POLR1C: variants seen among roughly 807,000 people sequenced by gnomAD.
POLR1C encodes DNA-directed RNA polymerases I and III subunit RPAC1.
In POLR1C, 42 loss-of-function variants were observed where a neutral mutation model predicts 38.3. That is an observed-to-expected ratio of 1.10 (90% CI 0.86 to 1.42). The LOEUF (loss-of-function observed/expected upper bound fraction) is 1.42. Among genes scored for constraint, POLR1C ranks in the 40% most tolerant of loss-of-function variants. The pLI, the probability that POLR1C is intolerant of heterozygous loss-of-function variation, is 0.00. For missense variants in POLR1C, 507 were observed against 450.5 expected, an observed-to-expected ratio of 1.13 and a Z score of -1.14; for synonymous variants, 163 against 163.9, an observed-to-expected ratio of 0.99 and a Z score of 0.04.
chr6:43,525,941 T>C (rs1304673596), downstream of POLR1C: 1 of 1,613,024 alleles, frequency 6.2e-7, no homozygotes, highest in Non-Finnish European at 8.5e-7. Flanking sequence ...GAGAGTAGAA[T>C]GTTAAGCTCC....
At chr6:43,537,826 G>T (rs1794429730) in intron 9 of POLR1C, among the ~76,000 whole-genome samples, 4 of 152,084 alleles carry the variant, frequency 2.6e-5, no homozygotes, top group Non-Finnish European at 2.9e-5. Context: ...CAGCACTTTG[G>T]GAGGCTGAGG....
chr6:43,517,837 A>T (rs1272505519), intron 2 of POLR1C, among the ~76,000 whole-genome samples: 2 of 152,164 alleles, frequency 1.3e-5, no homozygotes, highest in African/African-American at 4.8e-5. Flanking sequence ...AGTCTTTTGT[A>T]TTGTTTCACT....
chr6:43,529,261 T>G (rs1229209339), exon 9 of POLR1C: 1 of 1,368,486 alleles, frequency 7.3e-7, no homozygotes, highest in Non-Finnish European at 9.7e-7. Flanking sequence ...AAGAAAGATT[T>G]GCTGGCTGCG....
chr6:43,551,901 A>C (rs1038826007), intron 10 of POLR1C, among the ~76,000 whole-genome samples: 7 of 152,108 alleles, frequency 4.6e-5, no homozygotes, highest in African/African-American at 1.4e-4. Flanking sequence ...TCCTGGGTTC[A>C]AGCATTCCTC....
At chr6:43,551,360 C>T (rs762466229) in intron 10 of POLR1C, 41 of 1,613,826 alleles carry the variant, frequency 2.5e-5, no homozygotes, top group Non-Finnish European at 3.1e-5. Flanking sequence ...AGTGCAGAGA[C>T]ATTAGTAAGG....
intron 9 of POLR1C, among the ~76,000 whole-genome samples, chr6:43,539,979 GCA>G (rs1342296918): frequency 6.6e-6 from 1 of 152,248 alleles, no homozygotes; most frequent in Non-Finnish European, 1.5e-5. Flanking sequence ...ACGGGGCTGG[GCA>G]CAGTGGCTCA....
intron 10 of POLR1C, chr6:43,560,977 T>C (rs1268370261): frequency 1.9e-6 from 3 of 1,613,948 alleles, no homozygotes; most frequent in Non-Finnish European, 2.5e-6. Flanking sequence ...TTTCCAAAGT[T>C]TGATGGTGTT....
At chr6:43,562,274 C>T (rs754664679) in exon 11 of POLR1C, 40 of 1,608,144 alleles carry the variant, frequency 2.5e-5, no homozygotes, top group African/African-American at 2.7e-5. Flanking sequence ...GATTGCCCAG[C>T]GCACACAACA....
chr6:43,526,980 A>T, intron 8 of POLR1C: 1 of 521,110 alleles, frequency 1.9e-6, no homozygotes, highest in Non-Finnish European at 3.5e-6. Context: ...GAATTCTCTG[A>T]GAGTGAGTGA....
intron 8 of POLR1C, chr6:43,527,819 C>T (rs1301311951): frequency 2.9e-6 from 4 of 1,399,754 alleles, no homozygotes; most frequent in Middle Eastern, 2.0e-4. Context: ...TCTCTCTGAC[C>T]ACTTTCTTCT....
downstream of POLR1C, chr6:43,533,873 T>C: frequency 1.3e-6 from 2 of 1,510,038 alleles, no homozygotes; most frequent in Non-Finnish European, 1.8e-6. Context: ...AGGGATAAGA[T>C]AAACCTTAGG....
chr6:43,521,483 AG>A lies in POLR1C; in HGVS notation c.*184del, dbSNP rs1352883391. 7.2e-7 allele frequency: 1 copy of A among 1,398,202 alleles called. No homozygotes were observed. The highest frequency in any genetic ancestry group is 1.5e-5 in the African/African-American group (1 of 68,548). 86.6% of individuals were successfully genotyped at this position (1,398,202 alleles called of 1,614,324 possible). A position where few individuals can be genotyped will look rare whatever the true frequency, so the allele number is the denominator to read the frequency against. On this transcript the variant is annotated 3_prime_UTR_variant, in exon 9 of 9. Coordinates refer to ENST00000642195, the MANE Select transcript of POLR1C (RefSeq NM_203290.4). ...ACTTTTTACGCCTTTATAAGGCCTTAGATGTAAATAAACTCACCCAAACAAA... is the reference window on the plus strand; with the variant it reads ...ACTTTTTACGCCTTTATAAGGCCTTAATGTAAATAAACTCACCCAAACAAA...
At chr6:43,551,496 C>T (rs1582226237) in intron 10 of POLR1C, 1 of 1,600,586 alleles carries the variant, frequency 6.2e-7, no homozygotes, top group Non-Finnish European at 8.5e-7. Flanking sequence ...GCTGCCTCCA[C>T]TTAGAAATAA....
At position 43,561,992 on chromosome 6, in the gene POLR1C, C is replaced by A. The variant is rs1762441339; in HGVS notation, c.*641C>A. 1.9e-5 allele frequency: 6 copies of A among 309,856 alleles called. 1 individual carries two copies. The South Asian group carries it at 4.8e-4, about 25-fold the overall frequency. 19.2% of individuals were successfully genotyped at this position (309,856 alleles called of 1,614,324 possible). On this transcript the variant is annotated 3_prime_UTR_variant, in exon 11 of 11. Transcript: ENST00000607635. ...TGTAAGTACCAAAATTCACAAGAAA[C>A]CAACGTTGACTTTATGGAATAATAG... is the stretch of plus-strand genomic sequence containing the variant.
intron 10 of POLR1C, chr6:43,561,326 C>T: frequency 3.7e-6 from 1 of 270,694 alleles, no homozygotes; most frequent in East Asian, 8.2e-5. Context: ...TCAGACCTTA[C>T]CTATTCACAT....
chr6:43,526,817 A>T, intron 8 of POLR1C: 1 of 1,507,002 alleles, frequency 6.6e-7, no homozygotes, highest in Non-Finnish European at 9.1e-7. Flanking sequence ...CCTCAGGCCC[A>T]CTGATCCCAA....
intron 10 of POLR1C, among the ~76,000 whole-genome samples, chr6:43,553,025 G>A (rs1228545795): frequency 2.5e-5 from 3 of 121,030 alleles, no homozygotes; most frequent in Non-Finnish European, 3.2e-5. Context: ...TCTACTACCA[G>A]TTTACTGGCC....
chr6:43,524,439 G>T, downstream of POLR1C: 1 of 1,605,478 alleles, frequency 6.2e-7, no homozygotes, highest in Non-Finnish European at 8.5e-7. Flanking sequence ...TAAGAAGGGG[G>T]TTGGGAGCAC....
At chr6:43,542,395 A>G (rs1323065591) in intron 9 of POLR1C, among the ~76,000 whole-genome samples, 1 of 152,094 alleles carries the variant, frequency 6.6e-6, no homozygotes, top group African/African-American at 2.4e-5. Flanking sequence ...TACTAAAAAA[A>G]TAGTAATTTA....
Sources: allele counts gnomAD v4.1 joint callset (sites outside exome capture counted in the v4.1 genomes callset), GRCh38; gene constraint gnomAD v4.1.1; transcripts MANE v1.5; gene names NCBI Gene and HGNC (gene_info 2026-07-23, HGNC 2026-07-21).